The following SLC36A1 variants were observed in gnomAD, a reference collection of about 807,000 sequenced individuals.
The protein encoded by SLC36A1 is proton-coupled amino acid transporter 1.
A neutral mutation model predicts 47.5 loss-of-function variants in SLC36A1; 30 were observed. The observed-to-expected ratio is 0.63, with a 90% CI of 0.47 to 0.86. SLC36A1 has a LOEUF of 0.86. SLC36A1 is among the 40% of genes least tolerant of loss of function. The pLI is 0.00. For missense variants in SLC36A1, 517 were observed against 606.0 expected (o/e 0.85, Z 1.54); for synonymous variants, 255 against 249.7 (o/e 1.02, Z -0.20).
At chr5:151,537,641 C>T in the SLC36A1 span, 4 of 662,710 alleles carry the variant, frequency 6.0e-6, no homozygotes, top group Non-Finnish European at 9.8e-6. Flanking sequence ...TTTATTATGT[C>T]CCCAGTACAA....
At chr5:151,534,970 A>ATATATATATATATATATATATAT in the SLC36A1 span, among the ~76,000 whole-genome samples, 16 of 106,400 alleles carry the variant, frequency 1.5e-4, no homozygotes, top group South Asian at 3.5e-4. Context: ...CTTCTAGGAA[A>ATATATATATATATATATATATAT]ATATATATAT....
At chr5:151,494,657 G>A (rs113189915), downstream of SLC36A1, among the ~76,000 whole-genome samples, 2,217 of 152,318 alleles carry the variant, frequency 0.015, 64 homozygotes, top group African/African-American at 0.051. Context: ...TTGCTGAGTA[G>A]TATCTATTGC....
chr5:151,405,896 G>A, the SLC36A1 span, among the ~76,000 whole-genome samples: 6 of 152,152 alleles, frequency 3.9e-5, no homozygotes, highest in South Asian at 8.3e-4. Flanking sequence ...ATGTTGCTTG[G>A]TGAAGAAATT....
the SLC36A1 span, among the ~76,000 whole-genome samples, chr5:151,426,727 C>T: frequency 9.9e-5 from 15 of 152,160 alleles, no homozygotes; most frequent in Admixed American, 3.3e-4. Context: ...TTATGGGTGT[C>T]GGGCTGGGGG....
intron 2 of SLC36A1, among the ~76,000 whole-genome samples, chr5:151,460,294 C>T (rs1014412341): frequency 1.3e-5 from 2 of 151,106 alleles, no homozygotes; most frequent in African/African-American, 4.8e-5. Context: ...CAGATATCAA[C>T]TTGTCTAAGC....
At chr5:151,543,998 G>A in the SLC36A1 span, 113 of 1,614,034 alleles carry the variant, frequency 7.0e-5, no homozygotes, top group Non-Finnish European at 9.1e-5. Flanking sequence ...CTGAACTCTG[G>A]GGGGTTGTCA....
At chr5:151,364,542 T>C in the SLC36A1 span, among the ~76,000 whole-genome samples, 2 of 152,218 alleles carry the variant, frequency 1.3e-5, no homozygotes. Context: ...TTAATTATAC[T>C]ATTAAATTAT....
the SLC36A1 span, chr5:151,512,473 A>G: frequency 6.2e-7 from 1 of 1,614,182 alleles, no homozygotes; most frequent in African/African-American, 1.3e-5. This position sits in a 1 kb window ranked among gnomAD's most constrained non-coding sequence, Gnocchi z 4.1. Flanking sequence ...GTCAACCATC[A>G]GGCGAATGGA....
chr5:151,553,335 T>C, the SLC36A1 span: 13 of 1,614,152 alleles, frequency 8.1e-6, no homozygotes, highest in South Asian at 1.4e-4. Flanking sequence ...CCACTCAATG[T>C]GTAGCCGGAC....
At chr5:151,373,672 A>G in the SLC36A1 span, among the ~76,000 whole-genome samples, 3 of 152,248 alleles carry the variant, frequency 2.0e-5, no homozygotes, top group Non-Finnish European at 4.4e-5. Flanking sequence ...ACTTACATCT[A>G]TAAAAAGAAA....
chr5:151,424,137 C>A, the SLC36A1 span, among the ~76,000 whole-genome samples: 1 of 152,228 alleles, frequency 6.6e-6, no homozygotes, highest in Non-Finnish European at 1.5e-5. Context: ...TCCCTCTCAA[C>A]CACTCTGCAG....
the SLC36A1 span, among the ~76,000 whole-genome samples, chr5:151,372,454 T>C: frequency 1.3e-5 from 2 of 152,162 alleles, no homozygotes; most frequent in Non-Finnish European, 2.9e-5. Context: ...AAATTTTTTT[T>C]TTTTTTAGAA....
At chr5:151,379,367 C>G in the SLC36A1 span, among the ~76,000 whole-genome samples, 1 of 152,168 alleles carries the variant, frequency 6.6e-6, no homozygotes. Flanking sequence ...GAGTTTTGCT[C>G]TTGTTGCCCA....
chr5:151,484,375 C>T (rs112820068), intron 10 of SLC36A1, among the ~76,000 whole-genome samples: 15 of 152,274 alleles, frequency 9.9e-5, no homozygotes, highest in South Asian at 2.1e-4. Context: ...CATACAAAAC[C>T]GAGTGGGTTA....
chr5:151,394,467 G>T, the SLC36A1 span, among the ~76,000 whole-genome samples: 23 of 152,220 alleles, frequency 1.5e-4, no homozygotes, highest in Non-Finnish European at 2.6e-4. Context: ...CCTTTGGAGA[G>T]GGAGAGGCTC....
chr5:151,555,689 C>T, the SLC36A1 span, among the ~76,000 whole-genome samples: 1 of 152,088 alleles, frequency 6.6e-6, no homozygotes, highest in Non-Finnish European at 1.5e-5. Context: ...TGTTTCTTAC[C>T]AAAGGAAAAA....
At chr5:151,504,136 A>G in the SLC36A1 span, 3 of 152,650 alleles carry the variant, frequency 2.0e-5, no homozygotes, top group South Asian at 2.1e-4. Flanking sequence ...AAAATGACCA[A>G]TGAAACTATG....
the SLC36A1 span, among the ~76,000 whole-genome samples, chr5:151,388,847 C>T: frequency 6.6e-6 from 1 of 152,104 alleles, no homozygotes; most frequent in Non-Finnish European, 1.5e-5. Context: ...CTTTATATGC[C>T]TCATCTATAA....
At chr5:151,425,745 G>A in the SLC36A1 span, among the ~76,000 whole-genome samples, 12 of 152,154 alleles carry the variant, frequency 7.9e-5, no homozygotes, top group Admixed American at 3.3e-4. Context: ...AACACAGGCC[G>A]TATTTGGACT....
Sources: allele counts gnomAD v4.1 joint callset (sites outside exome capture counted in the v4.1 genomes callset), GRCh38; gene constraint gnomAD v4.1.1; non-coding constraint Gnocchi (gnomAD v3.1); transcripts MANE v1.5; gene names NCBI Gene and HGNC (gene_info 2026-07-23, HGNC 2026-07-21).